The following MRPL35 variants were observed in gnomAD, a reference collection of about 807,000 sequenced individuals.
The protein encoded by MRPL35 is large ribosomal subunit protein bL35m.
MRPL35 carries 18 observed loss-of-function variants against 21.6 expected under a neutral mutation model. That is an observed-to-expected ratio of 0.83 (90% CI 0.58 to 1.24). The LOEUF (loss-of-function observed/expected upper bound fraction) is 1.24, where lower values mean the gene tolerates loss of function less well. Ranked by LOEUF, MRPL35 falls within the 50% of genes most tolerant of loss-of-function variation. The pLI is 0.00. For synonymous variants in MRPL35, 87 were observed against 86.9 expected (o/e 1.00, Z -0.01); for missense variants, 223 against 223.2 (o/e 1.00, Z 0.01).
intron 1 of MRPL35, among the ~76,000 whole-genome samples, chr2:86,205,886 C>T (rs1301155131): frequency 6.6e-6 from 1 of 152,164 alleles, no homozygotes. Context: ...GATGGTTGCA[C>T]AGCTCTCTAA....
intron 2 of MRPL35, among the ~76,000 whole-genome samples, chr2:86,206,743 C>CTGTCATCCAAAGTGGAGGG (rs1673802363): frequency 6.6e-6 from 1 of 152,162 alleles, no homozygotes; most frequent in African/African-American, 2.4e-5. Flanking sequence ...TGCATGGAGG[C>CTGTCATCCAAAGTGGAGGG]TGTCATCCAA....
rs371474147 is a variant in MRPL35 at position 86,199,545 on chromosome 2, G to A, written c.43+12G>A. ...GAGAGCAGCTTCAGGTCAGTGGAGA[G>A]CGACATACTCCATGCATGCCTTCAC... On this transcript the variant is annotated intron_variant, in intron 1 of 3. Coordinates refer to ENST00000337109, the MANE Select transcript of MRPL35 (RefSeq NM_016622.4). The A allele has an allele frequency of 2.5e-6, 4 of 1,613,982 alleles. No individual in the cohort carries two copies. In the African/African-American group the frequency reaches 5.3e-5, roughly 22 times the overall value.
Position 86,210,511 on chromosome 2 carries a change from C to T in MRPL35, c.410C>T (p.Thr137Ile). 1.9e-6 allele frequency: 3 copies of T among 1,608,418 alleles called. No individual in the cohort carries two copies. The highest frequency in any genetic ancestry group is 2.5e-6 in the Non-Finnish European group (3 of 1,178,124). The stretch of plus-strand genomic sequence containing the variant: ...TATAAGAAAAAATTATGGAAAAAGA[C>T]ACCTGCAAGGAAGAAGCGATTGAGG... ...AGYKKKLWKK[T>I]PARKKRLREF... Residue 137 changes from threonine (T) to isoleucine (I), a missense_variant, in exon 4 of 4, where the codon ACA (threonine) becomes ATA (isoleucine). Thr to Ile is a moderately conservative substitution (Grantham distance 89). Transcript: ENST00000337109.
intron 1 of MRPL35, among the ~76,000 whole-genome samples, chr2:86,202,850 C>G (rs1014129762): frequency 6.6e-6 from 1 of 151,932 alleles, no homozygotes; most frequent in African/African-American, 2.4e-5. Context: ...GTCACTCTGC[C>G]CAGCTAATAT....
intron 3 of MRPL35, among the ~76,000 whole-genome samples, 169 bp downstream of exon 3, chr2:86,207,496 G>A (rs1045270887): frequency 3.3e-5 from 5 of 152,174 alleles, no homozygotes; most frequent in Admixed American, 6.5e-5. Flanking sequence ...AAAATTAGGC[G>A]TGGTGGCAGG....
At chr2:86,203,421 C>A (rs913146400) in intron 1 of MRPL35, among the ~76,000 whole-genome samples, 29 of 152,230 alleles carry the variant, frequency 1.9e-4, no homozygotes, top group African/African-American at 7.0e-4. Flanking sequence ...CTCACGTGAT[C>A]GGTGGCAGTC....
At position 86,211,416 on chromosome 2, in the gene MRPL35, G is replaced by C; in HGVS notation, c.*748G>C. The stretch of plus-strand genomic sequence containing the variant: ...GGGATTGGCTGTCCTTAAGTCAGGA[G>C]CCCGCTTTGTATTAGCAGGTTTGCA... On this transcript the variant is annotated 3_prime_UTR_variant, in exon 4 of 4. Transcript: ENST00000337109. 1 of 985,420 alleles carries C rather than the reference G, an allele frequency of 1.0e-6. No individual in the cohort carries two copies. The highest frequency in any genetic ancestry group is 1.2e-6 in the Non-Finnish European group (1 of 829,940). 61.0% of individuals were successfully genotyped at this position (985,420 alleles called of 1,614,324 possible).
At chr2:86,206,368 T>C (rs1356829169) in intron 2 of MRPL35, 73 bp downstream of exon 2, 17 of 1,411,748 alleles carry the variant, frequency 1.2e-5, no homozygotes, top group African/African-American at 2.9e-5. Flanking sequence ...AGTCTCACTC[T>C]GTTGCCCAGG....
intron 3 of MRPL35, among the ~76,000 whole-genome samples, chr2:86,207,727 A>C (rs1287372907): frequency 2.0e-5 from 3 of 152,304 alleles, no homozygotes; most frequent in Non-Finnish European, 4.4e-5. Context: ...TAATCCCAGC[A>C]CTTTGGGAGG....
intron 3 of MRPL35, among the ~76,000 whole-genome samples, chr2:86,207,973 C>T (rs185367002): frequency 6.6e-6 from 1 of 152,308 alleles, no homozygotes; most frequent in African/African-American, 2.4e-5. Context: ...AGTAACTGCC[C>T]AAATCCTAAT....
In MRPL35 at chr2:86,212,159, A is replaced by G. The variant is rs75197218; in HGVS notation, c.*1491A>G. On this transcript the variant is annotated 3_prime_UTR_variant, in exon 4 of 4. Coordinates refer to ENST00000337109, the MANE Select transcript of MRPL35 (RefSeq NM_016622.4). The stretch of plus-strand genomic sequence containing the variant: ...TGTGGTAGTTGGTAATAATAAGATG[A>G]AATTCCTCTGTTGTTAGTAAAATTA... The G allele has an allele frequency of 4.6e-3, 5,928 of 1,275,358 alleles. 238 individuals are homozygous for G. In the East Asian group the frequency reaches 0.11, roughly 24 times the overall value. 79.0% of individuals were successfully genotyped at this position (1,275,358 alleles called of 1,614,324 possible).
chr2:86,212,243 A>G lies in MRPL35; in HGVS notation c.*1575A>G. The G allele has an allele frequency of 7.2e-7, 1 of 1,381,984 alleles. No individual in the cohort carries two copies. Among genetic ancestry groups the G allele is most frequent in the Non-Finnish European group, 9.4e-7 (1 of 1,065,256 alleles). The allele number at this position is 1,381,984 out of a possible 1,614,324, so 85.6% of individuals were successfully genotyped here. A position where few individuals can be genotyped will look rare whatever the true frequency, so the allele number is the denominator to read the frequency against. ...ATTATTAGGGAGATTCCTCGAAACT[A>G]GTGTGTGTTTATTAAAAGGAGAAAG... On this transcript the variant is annotated 3_prime_UTR_variant, in exon 4 of 4. Coordinates refer to ENST00000337109, the MANE Select transcript of MRPL35 (RefSeq NM_016622.4).
chr2:86,213,604 A>G lies in MRPL35; in HGVS notation c.*2936A>G. 2 of 1,550,052 alleles carry G rather than the reference A, an allele frequency of 1.3e-6. No individual in the cohort carries two copies. Among genetic ancestry groups the G allele is most frequent in the Non-Finnish European group, 1.7e-6 (2 of 1,146,670 alleles). On this transcript the variant is annotated 3_prime_UTR_variant, in exon 4 of 4. Coordinates refer to ENST00000337109, the MANE Select transcript of MRPL35 (RefSeq NM_016622.4). Reference sequence around the variant, plus strand: ...GCAGCAGGTTTAAGGGTGGCCCTTCACCACCCTGTTGTCACCTGCACAGGC... The same window carrying G: ...GCAGCAGGTTTAAGGGTGGCCCTTCGCCACCCTGTTGTCACCTGCACAGGC...
At chr2:86,206,639 A>C (rs920264410) in intron 2 of MRPL35, among the ~76,000 whole-genome samples, 3 of 152,126 alleles carry the variant, frequency 2.0e-5, no homozygotes, top group African/African-American at 7.2e-5. Flanking sequence ...TGCTTGATTG[A>C]GTGGGAGACT....
At chr2:86,205,368 GGTCTTCATCATCT>G (rs1278515787) in intron 1 of MRPL35, among the ~76,000 whole-genome samples, 1 of 152,140 alleles carries the variant, frequency 6.6e-6, no homozygotes, top group Admixed American at 6.6e-5. Context: ...TCATCATAAA[GGTCTTCATCATCT>G]TTACATTGAG....
At position 86,213,074 on chromosome 2, in the gene MRPL35, T is replaced by C; in HGVS notation, c.*2406T>C. The C allele has an allele frequency of 1.0e-6, 1 of 975,910 alleles. No individual in the cohort carries two copies. The highest frequency in any genetic ancestry group is 1.2e-6 in the Non-Finnish European group (1 of 821,208). The allele number at this position is 975,910 out of a possible 1,614,324, so 60.5% of individuals were successfully genotyped here. A position where few individuals can be genotyped will look rare whatever the true frequency, so the allele number is the denominator to read the frequency against. ...GAAGCTGAGAGAGGGTTAAGTAAATTACCCAAAGTACAGCTAATAAGACCC... is the reference window on the plus strand; with the variant it reads ...GAAGCTGAGAGAGGGTTAAGTAAATCACCCAAAGTACAGCTAATAAGACCC... On this transcript the variant is annotated 3_prime_UTR_variant, in exon 4 of 4. Transcript: ENST00000337109.
At chr2:86,202,495 C>T (rs1477497855) in intron 1 of MRPL35, among the ~76,000 whole-genome samples, 1 of 152,146 alleles carries the variant, frequency 6.6e-6, no homozygotes, top group African/African-American at 2.4e-5. Flanking sequence ...AATCTGATGA[C>T]GTGTGAAAAT....
chr2:86,204,979 C>T (rs1292319779), intron 1 of MRPL35, among the ~76,000 whole-genome samples: 1 of 152,206 alleles, frequency 6.6e-6, no homozygotes, highest in African/African-American at 2.4e-5. Flanking sequence ...TGGCTCACAC[C>T]TGTAATCCTA....
Position 86,206,281 on chromosome 2 carries a change from A to C in MRPL35, c.219A>C (p.Ser73=). 1 of 1,612,648 alleles carries C rather than the reference A, an allele frequency of 6.2e-7. No homozygotes were observed. Among genetic ancestry groups the C allele is most frequent in the South Asian group, 1.1e-5 (1 of 91,020 alleles). The change falls in exon 2 of 4, where the codon TCA becomes TCC. Residue 73 remains serine (S), a synonymous_variant. Transcript: ENST00000337109. ...GAAACCTGACATGTGGGCATACCTC[A>C]GTGATCCTTAATAGGTAGAGTATAT... ...SERNLTCGHT[S]VILNRMAPVL... is the part of the protein sequence containing the mutation.
Sources: gnomAD v4.1 joint callset for allele counts (sites outside exome capture counted in the v4.1 genomes callset) on GRCh38, gnomAD v4.1.1 for gene constraint, MANE v1.5 for transcripts, NCBI Gene and HGNC (gene_info 2026-07-23, HGNC 2026-07-21) for gene names.